The following LYPD6 variants were observed in gnomAD, a reference collection of about 807,000 sequenced individuals.
LYPD6 encodes the protein LY6/PLAUR domain containing 6.
LYPD6 carries 15 observed loss-of-function variants against 22.7 expected under a neutral mutation model. The ratio of observed to expected loss-of-function variants is 0.66; its 90% CI spans 0.44 to 1.02. The LOEUF (loss-of-function observed/expected upper bound fraction) is 1.02. LYPD6 is among the 50% of genes least tolerant of loss of function. LYPD6 has a pLI of 0.00. For missense variants in LYPD6, 189 were observed against 208.4 expected (o/e 0.91, Z 0.57); for synonymous variants, 72 against 77.5 (o/e 0.93, Z 0.37).
chr2:149,440,940 T>C (rs988358514), intron 2 of LYPD6, among the ~76,000 whole-genome samples: 2 of 151,870 alleles, frequency 1.3e-5, no homozygotes. Context: ...CTCCTGACCT[T>C]GTGATCTGCC....
chr2:149,362,211 A>G (rs546227006), intron 1 of LYPD6, among the ~76,000 whole-genome samples: 1 of 152,326 alleles, frequency 6.6e-6, no homozygotes, highest in African/African-American at 2.4e-5. Context: ...AAACTAATAC[A>G]GTGGAGGAGA....
intron 3 of LYPD6, among the ~76,000 whole-genome samples, chr2:149,457,809 G>C (rs1191712333): frequency 6.6e-6 from 1 of 152,156 alleles, no homozygotes; most frequent in African/African-American, 2.4e-5. Flanking sequence ...CCAAAGACAT[G>C]AAGGGACTCT....
chr2:149,417,159 G>A (rs1682982925), intron 1 of LYPD6, among the ~76,000 whole-genome samples: 2 of 152,184 alleles, frequency 1.3e-5, no homozygotes, highest in Admixed American at 1.3e-4. Context: ...TCCATTGTTA[G>A]CAGGAATCAG....
At chr2:149,456,379 G>A (rs1229457238) in intron 3 of LYPD6, among the ~76,000 whole-genome samples, 3 of 152,130 alleles carry the variant, frequency 2.0e-5, no homozygotes, top group African/African-American at 7.2e-5. Context: ...GAAATGACCA[G>A]CATCTTAGAA....
At chr2:149,332,507 C>G (rs1484792800) in intron 1 of LYPD6, among the ~76,000 whole-genome samples, 1 of 152,198 alleles carries the variant, frequency 6.6e-6, no homozygotes, top group African/African-American at 2.4e-5. Flanking sequence ...ATATTGAAAT[C>G]TACTATTAAA....
At chr2:149,388,625 AGGAGCTG>A (rs948808745) in intron 1 of LYPD6, among the ~76,000 whole-genome samples, 1 of 151,408 alleles carries the variant, frequency 6.6e-6, no homozygotes, top group African/African-American at 2.4e-5. Context: ...TAGGGGGATG[AGGAGCTG>A]GGAAGGTGGG....
intron 1 of LYPD6, among the ~76,000 whole-genome samples, chr2:149,378,337 C>T (rs898102155): frequency 1.3e-5 from 2 of 152,114 alleles, no homozygotes; most frequent in Admixed American, 6.5e-5. Flanking sequence ...AGGCTGGTTT[C>T]GAACTCCTTG....
intron 1 of LYPD6, among the ~76,000 whole-genome samples, chr2:149,376,548 A>G (rs1681926381): frequency 6.6e-6 from 1 of 152,126 alleles, no homozygotes; most frequent in Admixed American, 6.5e-5. Flanking sequence ...ACTAATAATA[A>G]CTACTTCATA....
chr2:149,349,233 G>A (rs1042985644), intron 1 of LYPD6, among the ~76,000 whole-genome samples: 1 of 152,160 alleles, frequency 6.6e-6, no homozygotes, highest in African/African-American at 2.4e-5. Flanking sequence ...AGCCATAAAA[G>A]GGGAGCAAAT....
At chr2:149,483,458 CCG>C in the LYPD6 span, among the ~76,000 whole-genome samples, 1,829 of 150,426 alleles carry the variant, frequency 0.012, 15 homozygotes, top group Non-Finnish European at 0.015. Context: ...GTCTCTCCTT[CCG>C]CTCTCTTTCT....
the LYPD6 span, among the ~76,000 whole-genome samples, chr2:149,482,562 AC>A: frequency 6.6e-6 from 1 of 152,044 alleles, no homozygotes; most frequent in South Asian, 2.1e-4. Context: ...GTTTCTTCAG[AC>A]CCCTTCCATT....
chr2:149,418,609 C>A (rs912252927), intron 1 of LYPD6, among the ~76,000 whole-genome samples: 3 of 150,918 alleles, frequency 2.0e-5, no homozygotes, highest in African/African-American at 7.5e-5. Context: ...CGCTATTTCT[C>A]AGATACCTGT....
intron 3 of LYPD6, among the ~76,000 whole-genome samples, chr2:149,459,270 T>C (rs954684936): frequency 1.3e-5 from 2 of 152,156 alleles, no homozygotes; most frequent in African/African-American, 4.8e-5. Flanking sequence ...AAAAAAGCTA[T>C]CAATGCTGAA....
At chr2:149,431,782 A>G (rs1002207779) in intron 1 of LYPD6, among the ~76,000 whole-genome samples, 2 of 152,230 alleles carry the variant, frequency 1.3e-5, no homozygotes, top group African/African-American at 2.4e-5. Flanking sequence ...TATCAAAATT[A>G]AAAACTTTTG....
intron 3 of LYPD6, among the ~76,000 whole-genome samples, chr2:149,462,831 G>A (rs994552101): frequency 6.6e-6 from 1 of 151,942 alleles, no homozygotes; most frequent in African/African-American, 2.4e-5. Context: ...GGTACTGGAG[G>A]AACTGGACAT....
chr2:149,407,111 C>G (rs938396087), intron 1 of LYPD6, among the ~76,000 whole-genome samples: 2 of 152,210 alleles, frequency 1.3e-5, no homozygotes, highest in African/African-American at 4.8e-5. Context: ...CACTGTTAGT[C>G]TGATGGGCTT....
At position 149,360,156 on chromosome 2, in the gene LYPD6, C is replaced by A. The variant is rs1479425525; in HGVS notation, c.-72+29434C>A. ...TGGTGCTGTTGGAAGTGTCTTTTAG[C>A]ATGCTAATACATTATAATTAGTGTA... On this transcript the variant is annotated intron_variant, in intron 1 of 4. Transcript: ENST00000334166. 3.3e-5 allele frequency among the ~76,000 whole-genome samples: 5 copies of A among 152,256 alleles called. No individual in the cohort carries two copies. The South Asian group carries it at 1.0e-3, about 32-fold the overall frequency.
chr2:149,331,088 C>T (rs1463680576), intron 1 of LYPD6, among the ~76,000 whole-genome samples: 2 of 152,160 alleles, frequency 1.3e-5, no homozygotes, highest in Non-Finnish European at 2.9e-5. Flanking sequence ...ACCAGGAACT[C>T]CAGCCGGAGG....
chr2:149,450,255 TC>T (rs1242603004), intron 3 of LYPD6, among the ~76,000 whole-genome samples: 1 of 152,172 alleles, frequency 6.6e-6, no homozygotes, highest in African/African-American at 2.4e-5. Context: ...CCCACCCACT[TC>T]TTCACCCACA....
Sources: gnomAD v4.1 joint callset for allele counts (sites outside exome capture counted in the v4.1 genomes callset) on GRCh38, gnomAD v4.1.1 for gene constraint, MANE v1.5 for transcripts, NCBI Gene and HGNC (gene_info 2026-07-23, HGNC 2026-07-21) for gene names.